Variants in PTPRD observed in about 807,000 individuals in gnomAD.
The protein encoded by PTPRD is receptor-type tyrosine-protein phosphatase delta.
Under a neutral mutation model 214.5 loss-of-function variants are expected in PTPRD, and 34 were observed. The observed-to-expected ratio is 0.16, with a 90% confidence interval of 0.12 to 0.21. PTPRD has a LOEUF of 0.21. Among genes scored for constraint, PTPRD ranks in the 10% least tolerant of loss-of-function variants. The pLI, the probability that PTPRD is intolerant of heterozygous loss-of-function variation, is 1.00. For missense variants in PTPRD, 2,545 were observed against 2,398.7 expected (o/e 1.06, Z -1.27); for synonymous variants, 1,128 against 845.7 (o/e 1.33, Z -5.79).
chr9:10,280,689 C>T (rs1000664975), intron 3 of PTPRD, among the ~76,000 whole-genome samples: 16 of 152,100 alleles, frequency 1.1e-4, no homozygotes, highest in African/African-American at 3.9e-4. Context: ...TAGCTTGCTG[C>T]TGCCCCAACC....
At chr9:9,064,795 G>C (rs1282824159) in intron 10 of PTPRD, among the ~76,000 whole-genome samples, 1 of 152,162 alleles carries the variant, frequency 6.6e-6, no homozygotes, top group Non-Finnish European at 1.5e-5. Flanking sequence ...CTAGAGATTT[G>C]TGTTCAGAAA....
At chr9:9,935,483 C>T (rs982857317) in intron 5 of PTPRD, among the ~76,000 whole-genome samples, 3 of 151,966 alleles carry the variant, frequency 2.0e-5, no homozygotes, top group African/African-American at 4.8e-5. Context: ...ACAATTGCTT[C>T]AAAGAGAATA....
intron 2 of PTPRD, among the ~76,000 whole-genome samples, chr9:10,367,512 G>T (rs1029268292): frequency 6.6e-6 from 1 of 152,094 alleles, no homozygotes; most frequent in Non-Finnish European, 1.5e-5. Context: ...AAATAATGTT[G>T]AAAGTTTCAC....
At chr9:10,255,906 G>T (rs2093227180) in intron 3 of PTPRD, among the ~76,000 whole-genome samples, 1 of 152,144 alleles carries the variant, frequency 6.6e-6, no homozygotes. Flanking sequence ...GCCCGGACTG[G>T]TACTGCTCTA....
At chr9:9,056,895 C>G (rs1444200344) in intron 10 of PTPRD, among the ~76,000 whole-genome samples, 1 of 152,174 alleles carries the variant, frequency 6.6e-6, no homozygotes, top group Non-Finnish European at 1.5e-5. Context: ...CAGGATGATG[C>G]TTACATTGAG....
chr9:10,095,911 G>T (rs576921421), intron 3 of PTPRD, among the ~76,000 whole-genome samples: 3 of 151,534 alleles, frequency 2.0e-5, no homozygotes, highest in Non-Finnish European at 4.4e-5. Flanking sequence ...TAAAAAGTCA[G>T]TGGTTCTCTT....
At chr9:10,568,195 C>G (rs1458848191) in intron 2 of PTPRD, among the ~76,000 whole-genome samples, 1 of 150,798 alleles carries the variant, frequency 6.6e-6, no homozygotes, top group Non-Finnish European at 1.5e-5. Flanking sequence ...CAATTCCCAC[C>G]TATGAGTGAG....
chr9:9,612,861 A>G (rs1475423416), intron 7 of PTPRD, among the ~76,000 whole-genome samples: 3 of 152,068 alleles, frequency 2.0e-5, no homozygotes, highest in Non-Finnish European at 4.4e-5. Context: ...TCTATTTTTA[A>G]GAACATATTT....
At chr9:9,504,568 A>G (rs2096526309) in intron 8 of PTPRD, among the ~76,000 whole-genome samples, 1 of 151,668 alleles carries the variant, frequency 6.6e-6, no homozygotes, top group Non-Finnish European at 1.5e-5. Flanking sequence ...AAAAAACTGA[A>G]AGCATTCCCT....
chr9:10,202,651 C>T (rs1237913413), intron 3 of PTPRD, among the ~76,000 whole-genome samples: 1 of 108,100 alleles, frequency 9.3e-6, no homozygotes, highest in Non-Finnish European at 1.8e-5. Context: ...ACCTGGATGC[C>T]TACTTATAAA....
rs1305644816 is a variant in PTPRD at position 8,872,706 on chromosome 9, T to G, written c.-103-138760A>C. ...CTTTTTAAAAATAAATCTATCATTC[T>G]TTCTTTCTTATCTTTAATCATAATA... On this transcript the variant is annotated intron_variant, in intron 11 of 45. Transcript: ENST00000381196. 2.6e-5 allele frequency among the ~76,000 whole-genome samples: 4 copies of G among 152,186 alleles called. No individual in the cohort carries two copies. In the South Asian group the frequency reaches 8.3e-4, roughly 31 times the overall value.
At chr9:8,503,114 C>T (rs1011878803) in intron 23 of PTPRD, among the ~76,000 whole-genome samples, 2 of 151,878 alleles carry the variant, frequency 1.3e-5, no homozygotes, top group Admixed American at 6.6e-5. Context: ...TGATCCTAAT[C>T]ATTTTCATGT....
Position 9,892,835 on chromosome 9 carries a change from A to G in PTPRD, c.-368+45672T>C, listed in dbSNP as rs117777278. Among the ~76,000 whole-genome samples the G allele has an allele frequency of 2.9e-4, 44 of 152,240 alleles. No individual in the cohort carries two copies. In the East Asian group the frequency reaches 7.7e-3, roughly 27 times the overall value. On this transcript the variant is annotated intron_variant, in intron 5 of 45. Transcript: ENST00000381196. ...GAATACAAGTTTAAGGTAATGTTAA[A>G]AAGACTTAAAGAGGTACTGGTTATA...
At chr9:10,251,617 C>T (rs375950278) in intron 3 of PTPRD, among the ~76,000 whole-genome samples, 1 of 152,118 alleles carries the variant, frequency 6.6e-6, no homozygotes, top group African/African-American at 2.4e-5. Context: ...CAGAACATCA[C>T]AGAGCACATG....
At chr9:9,517,886 C>A (rs927596273) in intron 8 of PTPRD, among the ~76,000 whole-genome samples, 4 of 151,422 alleles carry the variant, frequency 2.6e-5, no homozygotes, top group Admixed American at 6.7e-5. Flanking sequence ...ACTTCTAATT[C>A]AAATTCCTTG....
Position 9,385,356 on chromosome 9 carries a change from G to C in PTPRD, c.-203+12093C>G, listed in dbSNP as rs10816108. ...CAACAGTCTTCAAAACGTGGTCCCA[G>C]AGAGTAAAATAAACAAGAGGAAAGT... On this transcript the variant is annotated intron_variant, in intron 9 of 45. Transcript: ENST00000381196. Among the ~76,000 whole-genome samples the C allele has an allele frequency of 5.6e-3, 848 of 152,222 alleles. 20 individuals carry two copies. The East Asian group carries it at 0.071, about 13-fold the overall frequency.
At chr9:9,998,115 T>TAA (rs1158744931) in intron 4 of PTPRD, among the ~76,000 whole-genome samples, 3 of 105,798 alleles carry the variant, frequency 2.8e-5, no homozygotes, top group Admixed American at 1.0e-4. Flanking sequence ...TAAAGTATAA[T>TAA]AAAAAAAAAA....
chr9:8,483,106 T>G (rs545019426), intron 30 of PTPRD, among the ~76,000 whole-genome samples: 1 of 152,336 alleles, frequency 6.6e-6, no homozygotes, highest in South Asian at 2.1e-4. Context: ...GTGAAAATAC[T>G]TTTTTCTTCT....
chr9:9,096,523 G>C (rs887418031), intron 10 of PTPRD, among the ~76,000 whole-genome samples: 5 of 152,068 alleles, frequency 3.3e-5, no homozygotes, highest in African/African-American at 1.2e-4. Context: ...ATGTTAACCT[G>C]TAGAAAACTA....
Sources: gnomAD v4.1 joint callset for allele counts (sites outside exome capture counted in the v4.1 genomes callset) on GRCh38, gnomAD v4.1.1 for gene constraint, MANE v1.5 for transcripts, NCBI Gene and HGNC (gene_info 2026-07-23, HGNC 2026-07-21) for gene names.